Variants in CEP63 observed in about 807,000 individuals in gnomAD.
CEP63 encodes centrosomal protein of 63 kDa.
Under a neutral mutation model 89.1 loss-of-function variants are expected in CEP63, and 84 were observed. That is an observed-to-expected ratio of 0.94 (90% confidence interval 0.79 to 1.13). The LOEUF is 1.13. Ranked by LOEUF, CEP63 falls within the 50% of genes most tolerant of loss-of-function variation. The pLI, the probability that CEP63 is intolerant of heterozygous loss-of-function variation, is 0.00. For missense variants in CEP63, 838 were observed against 813.3 expected, an observed-to-expected ratio of 1.03 and a Z score of -0.37; for synonymous variants, 267 against 272.5, an observed-to-expected ratio of 0.98 and a Z score of 0.20.
the CEP63 span, among the ~76,000 whole-genome samples, chr3:134,636,353 C>G: frequency 2.0e-5 from 3 of 152,168 alleles, no homozygotes; most frequent in Non-Finnish European, 4.4e-5. Flanking sequence ...TTTTGTTCCA[C>G]CCCTTGAATT....
At chr3:134,651,323 G>A in the CEP63 span, 1 of 1,168,240 alleles carries the variant, frequency 8.6e-7, no homozygotes, top group South Asian at 1.7e-5. Context: ...CTGGGCTCCA[G>A]GGCTTCTCTG....
chr3:134,627,680 G>T, the CEP63 span: 1 of 1,350,348 alleles, frequency 7.4e-7, no homozygotes, highest in Non-Finnish European at 1.1e-6. Flanking sequence ...GGAAGCAACT[G>T]TCAATTGGAG....
the CEP63 span, among the ~76,000 whole-genome samples, chr3:134,734,052 G>A: frequency 6.6e-6 from 1 of 152,210 alleles, no homozygotes; most frequent in African/African-American, 2.4e-5. Context: ...AATATTTAAA[G>A]GCATAAGAAT....
At chr3:134,546,100 C>T (rs758536044) in intron 7 of CEP63, 49 bp from the exon 8 acceptor site, 1 of 1,599,220 alleles carries the variant, frequency 6.3e-7, no homozygotes, top group South Asian at 1.1e-5. Flanking sequence ...GCAGGTTCTG[C>T]AGGAATTAAA....
the CEP63 span, among the ~76,000 whole-genome samples, chr3:134,754,143 C>G: frequency 6.6e-6 from 1 of 152,222 alleles, no homozygotes; most frequent in African/African-American, 2.4e-5. Flanking sequence ...AGCACATTCC[C>G]TCCTGCCTTG....
chr3:134,762,613 C>G, the CEP63 span, among the ~76,000 whole-genome samples: 2 of 152,138 alleles, frequency 1.3e-5, no homozygotes, highest in African/African-American at 4.8e-5. Context: ...AGAGGGAAGA[C>G]TACACAAGGG....
the CEP63 span, among the ~76,000 whole-genome samples, chr3:134,702,294 G>A: frequency 1.3e-5 from 2 of 151,890 alleles, no homozygotes; most frequent in Admixed American, 6.6e-5. Flanking sequence ...ACTGCTCAAA[G>A]CAAGGTATAG....
the CEP63 span, among the ~76,000 whole-genome samples, chr3:134,751,482 C>G: frequency 0.062 from 9,399 of 152,238 alleles, 1,006 homozygotes; most frequent in African/African-American, 0.21. Flanking sequence ...CCCCACTAGA[C>G]TTCCCAGGGC....
At chr3:134,608,465 G>A in the CEP63 span, 2 of 1,529,410 alleles carry the variant, frequency 1.3e-6, no homozygotes, top group South Asian at 1.2e-5. Flanking sequence ...TCCCTGCCCT[G>A]ATGGCCTGGG....
the CEP63 span, among the ~76,000 whole-genome samples, chr3:134,664,367 A>G: frequency 5.6e-3 from 846 of 152,314 alleles, 6 homozygotes; most frequent in African/African-American, 0.019. Flanking sequence ...AGCCAGGCAC[A>G]CAGTAGTGAC....
the CEP63 span, among the ~76,000 whole-genome samples, chr3:134,597,103 A>G: frequency 2.6e-5 from 4 of 152,182 alleles, no homozygotes; most frequent in East Asian, 7.7e-4. Flanking sequence ...AAGCAGTGTG[A>G]GGCCAGAGTG....
the CEP63 span, among the ~76,000 whole-genome samples, chr3:134,703,726 A>G: frequency 1.3e-5 from 2 of 152,174 alleles, no homozygotes; most frequent in Non-Finnish European, 2.9e-5. Context: ...GGAAACCACC[A>G]TGGCACATGT....
chr3:134,739,427 C>G, the CEP63 span, among the ~76,000 whole-genome samples: 273 of 152,250 alleles, frequency 1.8e-3, 3 homozygotes, highest in African/African-American at 6.2e-3. Context: ...CTCCAGCAAT[C>G]AAGAAACTCT....
downstream of CEP63, among the ~76,000 whole-genome samples, chr3:134,569,227 C>G (rs1349964927): frequency 6.6e-6 from 1 of 152,212 alleles, no homozygotes; most frequent in Non-Finnish European, 1.5e-5. Context: ...CATTTCAAAA[C>G]CAATCATGCC....
the CEP63 span, among the ~76,000 whole-genome samples, chr3:134,642,605 A>G: frequency 1.1e-4 from 16 of 152,250 alleles, no homozygotes; most frequent in East Asian, 1.4e-3. Flanking sequence ...AGGACTCCCA[A>G]TGAAGGTGCC....
chr3:134,648,193 A>G, the CEP63 span, among the ~76,000 whole-genome samples: 4 of 152,230 alleles, frequency 2.6e-5, no homozygotes, highest in Non-Finnish European at 5.9e-5. Context: ...AGGAGTATTC[A>G]GTGCTCCTTG....
intron 1 of CEP63, 29 bp downstream of exon 1, chr3:134,486,231 T>C (rs951518258): frequency 1.0e-5 from 10 of 985,300 alleles, no homozygotes; most frequent in African/African-American, 1.7e-5. Context: ...AGGGGCGTGC[T>C]TGCGGCAACC....
chr3:134,582,238 G>A (rs1441539351), intron 10 of CEP63, among the ~76,000 whole-genome samples: 1 of 151,992 alleles, frequency 6.6e-6, no homozygotes, highest in Non-Finnish European at 1.5e-5. Context: ...GTGCAGATCT[G>A]CCACATAGGT....
At chr3:134,594,483 G>A in the CEP63 span, among the ~76,000 whole-genome samples, 6 of 152,070 alleles carry the variant, frequency 3.9e-5, no homozygotes, top group South Asian at 1.0e-3. Flanking sequence ...CAGGGCGGGC[G>A]GATTCCCCCG....
Sources: allele counts gnomAD v4.1 joint callset (sites outside exome capture counted in the v4.1 genomes callset), GRCh38; gene constraint gnomAD v4.1.1; transcripts MANE v1.5; gene names NCBI Gene and HGNC (gene_info 2026-07-23, HGNC 2026-07-21).